Variants in HERPUD2 observed in about 807,000 individuals in gnomAD.
The protein encoded by HERPUD2 is homocysteine-responsive endoplasmic reticulum-resident ubiquitin-like domain member 2 protein.
Under a neutral mutation model 49.9 loss-of-function variants are expected in HERPUD2, and 13 were observed. The observed-to-expected ratio is 0.26, with a 90% CI of 0.17 to 0.41. HERPUD2 has a LOEUF of 0.41. HERPUD2 is among the 10% of genes least tolerant of loss of function. HERPUD2 has a pLI of 1.00. For missense variants in HERPUD2, 449 were observed against 492.2 expected, an observed-to-expected ratio of 0.91 and a Z score of 0.83; for synonymous variants, 172 against 171.4, an observed-to-expected ratio of 1.00 and a Z score of -0.03.
At chr7:35,692,765 C>G (rs1229808494) in intron 2 of HERPUD2, among the ~76,000 whole-genome samples, 1 of 152,116 alleles carries the variant, frequency 6.6e-6, no homozygotes, top group African/African-American at 2.4e-5. Flanking sequence ...TTCTGTGGTT[C>G]TTCTGCAAGT....
At chr7:35,648,711 T>A (rs1199294865) in intron 5 of HERPUD2, among the ~76,000 whole-genome samples, 1 of 152,204 alleles carries the variant, frequency 6.6e-6, no homozygotes, top group South Asian at 2.1e-4. Context: ...ATGAGAAGAA[T>A]GTGTGCCACG....
intron 7 of HERPUD2, 23 bp downstream of exon 7, chr7:35,635,112 A>G: frequency 1.3e-6 from 2 of 1,586,870 alleles, no homozygotes; most frequent in Non-Finnish European, 1.7e-6. Context: ...TTAAACCACA[A>G]AAAGTTAATG....
chr7:35,662,394 G>T (rs1487120019), intron 5 of HERPUD2, among the ~76,000 whole-genome samples: 1 of 152,184 alleles, frequency 6.6e-6, no homozygotes, highest in Admixed American at 6.5e-5. Context: ...CTCATAAAAT[G>T]AATTAGGGAG....
intron 5 of HERPUD2, among the ~76,000 whole-genome samples, chr7:35,664,259 G>C (rs1447139839): frequency 6.6e-6 from 1 of 152,184 alleles, no homozygotes; most frequent in Non-Finnish European, 1.5e-5. Flanking sequence ...CGAGAGATCA[G>C]CTATTAGTCT....
chr7:35,637,228 G>C (rs1425010023), intron 6 of HERPUD2, among the ~76,000 whole-genome samples: 1 of 151,994 alleles, frequency 6.6e-6, no homozygotes, highest in Non-Finnish European at 1.5e-5. Context: ...CCCAGCAGCA[G>C]TATAAGGAAA....
intron 5 of HERPUD2, among the ~76,000 whole-genome samples, chr7:35,655,084 C>T (rs1785247412): frequency 6.6e-6 from 1 of 152,090 alleles, no homozygotes; most frequent in Non-Finnish European, 1.5e-5. Flanking sequence ...AACTTCTGGC[C>T]TCAAGCAATC....
intron 5 of HERPUD2, among the ~76,000 whole-genome samples, chr7:35,643,831 T>A: frequency 6.6e-6 from 1 of 150,654 alleles, no homozygotes. Context: ...AATAGAAAGC[T>A]GTTAAAAAAA....
intron 5 of HERPUD2, among the ~76,000 whole-genome samples, chr7:35,654,329 C>G (rs1221519491): frequency 6.6e-6 from 1 of 151,098 alleles, no homozygotes; most frequent in African/African-American, 2.4e-5. Flanking sequence ...AAAAAAAAGA[C>G]CCATATAAAT....
At chr7:35,643,942 A>G (rs904818843) in intron 5 of HERPUD2, among the ~76,000 whole-genome samples, 1 of 151,994 alleles carries the variant, frequency 6.6e-6, no homozygotes, top group Non-Finnish European at 1.5e-5. Context: ...GGTAACTACT[A>G]AATACAAAAA....
chr7:35,646,263 C>T (rs1453082784), intron 5 of HERPUD2, among the ~76,000 whole-genome samples: 1 of 151,884 alleles, frequency 6.6e-6, no homozygotes, highest in Non-Finnish European at 1.5e-5. Context: ...AAAACATTTA[C>T]AAAGTAAAGG....
In HERPUD2 at chr7:35,673,182, T is replaced by TA. The variant is rs1562682207; in HGVS notation, c.225+18dup. 2.5e-6 allele frequency: 4 copies of TA among 1,588,672 alleles called. No homozygotes were observed. The Admixed American group carries it at 6.8e-5, about 27-fold the overall frequency. ...CATTCTGAATGTATCTGGTATCAAA[T>TA]AGTGGTAGAAAAGCTTACTTTTCTG... On this transcript the variant is annotated intron_variant, in intron 3 of 8. Coordinates refer to ENST00000311350, the MANE Select transcript of HERPUD2 (RefSeq NM_022373.5).
rs372489211 is a variant in HERPUD2, at chr7:35,635,149, C to T, written c.927G>A (p.Met309Ile). The T allele has an allele frequency of 6.2e-7, 1 of 1,613,012 alleles. No individual in the cohort carries two copies. The highest frequency in any genetic ancestry group is 8.5e-7 in the Non-Finnish European group (1 of 1,178,984). ...ACATCACTCACAAATAAACCAGTAG[C>T]ATGGCTCCCATTACCATGATAAACC... ...FSRFIMVMGA[M>I]LLVYLHQAGW... The change falls in exon 7 of 9, where the codon ATG (methionine) becomes ATA (isoleucine). Residue 309 changes from methionine to isoleucine, a missense_variant. Physicochemically the swap from Met to Ile is conservative, Grantham distance 10 (BLOSUM62 1). Transcript: ENST00000311350.
At chr7:35,638,533 T>C in intron 5 of HERPUD2, 61 bp from the exon 6 acceptor site, 1 of 1,509,466 alleles carries the variant, frequency 6.6e-7, no homozygotes, top group Non-Finnish European at 9.0e-7. Flanking sequence ...TTATTCTAAA[T>C]TTTCATTTCT....
At chr7:35,653,985 C>T (rs1785222757) in intron 5 of HERPUD2, among the ~76,000 whole-genome samples, 1 of 152,110 alleles carries the variant, frequency 6.6e-6, no homozygotes, top group South Asian at 2.1e-4. Flanking sequence ...CAGAGTGAGA[C>T]TGTCTCTAAA....
chr7:35,641,651 G>A (rs1450454012), intron 5 of HERPUD2, among the ~76,000 whole-genome samples: 2 of 151,950 alleles, frequency 1.3e-5, no homozygotes, highest in African/African-American at 2.4e-5. Context: ...AAAATAGCCC[G>A]GAAATAAGGC....
intron 2 of HERPUD2, among the ~76,000 whole-genome samples, chr7:35,683,987 G>A (rs1271025614): frequency 6.6e-6 from 1 of 152,212 alleles, no homozygotes; most frequent in Non-Finnish European, 1.5e-5. Context: ...AACCGTTATG[G>A]AAAACAGTGT....
At chr7:35,643,472 ATCTC>A (rs766286745) in intron 5 of HERPUD2, among the ~76,000 whole-genome samples, 2 of 152,190 alleles carry the variant, frequency 1.3e-5, no homozygotes, top group Non-Finnish European at 2.9e-5. Flanking sequence ...AGGAATGAAG[ATCTC>A]TCTCTACTCC....
intron 2 of HERPUD2, among the ~76,000 whole-genome samples, chr7:35,685,914 TTGTGCCACTGCACTCCAGCCTGGA>T (rs1310823188): frequency 1.3e-5 from 2 of 151,780 alleles, no homozygotes; most frequent in Non-Finnish European, 1.5e-5. Context: ...TGAGCCAGGG[TTGTGCCACTGCACTCCAGCCTGGA>T]CAACAGAGCG....
At chr7:35,684,153 G>A (rs1785978066) in intron 2 of HERPUD2, among the ~76,000 whole-genome samples, 1 of 151,714 alleles carries the variant, frequency 6.6e-6, no homozygotes, top group Non-Finnish European at 1.5e-5. Flanking sequence ...TTGGGAGGCC[G>A]AGGCGGGTGG....
Sources: allele counts gnomAD v4.1 joint callset (sites outside exome capture counted in the v4.1 genomes callset), GRCh38; gene constraint gnomAD v4.1.1; transcripts MANE v1.5; gene names NCBI Gene and HGNC (gene_info 2026-07-23, HGNC 2026-07-21).